CFAP299: variants seen among roughly 807,000 people sequenced by gnomAD.
CFAP299 encodes the protein cilia and flagella associated protein 299.
A neutral mutation model predicts 27.0 loss-of-function variants in CFAP299; 21 were observed. The observed-to-expected ratio is 0.78, with a 90% CI of 0.55 to 1.12. CFAP299 has a LOEUF of 1.12. CFAP299 is among the 50% of genes most tolerant of loss of function. The probability of loss-of-function intolerance (pLI) is 0.00; values close to 1 mark genes in which losing one functional copy is unlikely to be tolerated. For missense variants in CFAP299, 310 were observed against 276.6 expected, an observed-to-expected ratio of 1.12 and a Z score of -0.86; for synonymous variants, 104 against 98.1, an observed-to-expected ratio of 1.06 and a Z score of -0.36.
intron 2 of CFAP299, among the ~76,000 whole-genome samples, chr4:80,423,738 A>G (rs1052877441): frequency 3.3e-5 from 5 of 152,134 alleles, no homozygotes; most frequent in African/African-American, 1.2e-4. Flanking sequence ...CACTGTGTAC[A>G]AGATTGGGCT....
rs372138326 is a variant in CFAP299 at position 80,786,295 on chromosome 4, A to G, written c.334-83698A>G. Among the ~76,000 whole-genome samples, 584 of 152,232 alleles carry G rather than the reference A, an allele frequency of 3.8e-3. 1 individual carries two copies. The highest frequency in any genetic ancestry group is 0.01 in the Middle Eastern group (3 of 294). On this transcript the variant is annotated intron_variant, in intron 3 of 5. Transcript: ENST00000358105. ...GGTGGAGAGGAGGTAGAAGGGAGAC[A>G]TTAAAACCAATGAAAACACAGCTGA...
intron 3 of CFAP299, among the ~76,000 whole-genome samples, chr4:80,864,937 T>C (rs1467198613): frequency 6.6e-6 from 1 of 152,168 alleles, no homozygotes; most frequent in Non-Finnish European, 1.5e-5. Context: ...AATGTATTAC[T>C]AACTTACCAG....
chr4:80,961,098 GA>G lies in CFAP299; in HGVS notation c.607-2409del, dbSNP rs769804321. ...CTATATTCAAGCTGACTTGTTAAAA[GA>G]AAAAAAAAACACAATTACTGTTGAA... On this transcript the variant is annotated intron_variant, in intron 5 of 5. Coordinates refer to ENST00000358105, the MANE Select transcript of CFAP299 (RefSeq NM_152770.3). 2.5e-4 allele frequency among the ~76,000 whole-genome samples: 36 copies of G among 142,736 alleles called. 1 individual carries two copies. The highest frequency in any genetic ancestry group is 1.5e-3 in the South Asian group (7 of 4,536). The allele number at this position is 142,736 out of a possible 152,430, so 93.6% of individuals were successfully genotyped here.
chr4:80,911,489 A>C (rs1018477792), intron 4 of CFAP299, among the ~76,000 whole-genome samples: 12 of 152,164 alleles, frequency 7.9e-5, no homozygotes, highest in African/African-American at 2.9e-4. Flanking sequence ...ATAGACTTGG[A>C]ACCAGGTATC....
intron 2 of CFAP299, among the ~76,000 whole-genome samples, chr4:80,488,870 C>CA (rs1336099462): frequency 8.6e-5 from 13 of 151,452 alleles, no homozygotes; most frequent in Non-Finnish European, 1.8e-4. Flanking sequence ...AGTTGGATGG[C>CA]AAAAAAAACG....
intron 2 of CFAP299, among the ~76,000 whole-genome samples, chr4:80,460,088 GAA>G (rs1477764802): frequency 1.7e-4 from 26 of 152,296 alleles, no homozygotes; most frequent in African/African-American, 5.8e-4. Flanking sequence ...AGAGAGAGAA[GAA>G]GAGAGGCCTT....
intron 3 of CFAP299, among the ~76,000 whole-genome samples, chr4:80,591,749 C>T (rs1736802003): frequency 6.6e-6 from 1 of 152,138 alleles, no homozygotes; most frequent in Non-Finnish European, 1.5e-5. Flanking sequence ...ATGTATCTGT[C>T]CCTTTGTTTG....
At chr4:80,716,278 G>C (rs1427987156) in intron 3 of CFAP299, among the ~76,000 whole-genome samples, 1 of 151,836 alleles carries the variant, frequency 6.6e-6, no homozygotes, top group African/African-American at 2.4e-5. Context: ...AACAAGGCAC[G>C]TAGTATTTTC....
intron 2 of CFAP299, among the ~76,000 whole-genome samples, chr4:80,527,272 T>C (rs886366197): frequency 6.6e-6 from 1 of 151,898 alleles, no homozygotes; most frequent in African/African-American, 2.4e-5. Context: ...CATTTGTTCT[T>C]GTGAAAAAAA....
At chr4:80,764,995 G>A (rs1725778227) in intron 3 of CFAP299, among the ~76,000 whole-genome samples, 1 of 152,004 alleles carries the variant, frequency 6.6e-6, no homozygotes, top group Non-Finnish European at 1.5e-5. Context: ...TGCATTTGGG[G>A]CTTAAAACCT....
intron 3 of CFAP299, among the ~76,000 whole-genome samples, chr4:80,627,030 C>CAAAG (rs1738944053): frequency 6.6e-6 from 1 of 151,480 alleles, no homozygotes; most frequent in South Asian, 2.1e-4. Context: ...AACAAACAAA[C>CAAAG]AAACAAAAAA....
chr4:80,362,829 GA>G lies in CFAP299; in HGVS notation c.189del (p.Ala64GlnfsTer6). 6.2e-7 allele frequency: 1 copy of G among 1,613,198 alleles called. No homozygotes were observed. The highest frequency in any genetic ancestry group is 8.5e-7 in the Non-Finnish European group (1 of 1,179,774). On this transcript the variant is annotated frameshift_variant, in exon 2 of 6. Coordinates refer to ENST00000358105, the MANE Select transcript of CFAP299 (RefSeq NM_152770.3). LOFTEE classifies it high-confidence loss of function. ...AGAGAGAGTGAAAAGGGAAGATTTT[GA>G]AGCAAGGAAAGCGGCTATAGAGATT... ...TGERVKREDF[E>X]ARKAAIEIAR...
At chr4:80,395,492 G>A (rs1336098454) in intron 2 of CFAP299, among the ~76,000 whole-genome samples, 1 of 152,024 alleles carries the variant, frequency 6.6e-6, no homozygotes, top group East Asian at 1.9e-4. Context: ...GATATTAGAG[G>A]AAAGCTTTTC....
At chr4:80,744,289 C>A (rs1473133425) in intron 3 of CFAP299, among the ~76,000 whole-genome samples, 1 of 151,840 alleles carries the variant, frequency 6.6e-6, no homozygotes, top group Non-Finnish European at 1.5e-5. Context: ...CCAAGGACAG[C>A]GTGCCTTCAT....
intron 3 of CFAP299, among the ~76,000 whole-genome samples, chr4:80,696,247 G>A (rs1721081260): frequency 6.7e-6 from 1 of 148,976 alleles, no homozygotes; most frequent in Admixed American, 6.8e-5. Flanking sequence ...GTTGCAGTGA[G>A]CCAGTCACAC....
chr4:80,842,671 C>A (rs1458517729), intron 3 of CFAP299, among the ~76,000 whole-genome samples: 2 of 152,064 alleles, frequency 1.3e-5, no homozygotes, highest in Admixed American at 1.3e-4. Context: ...ACTTTTCAGC[C>A]AGCTGAAATC....
intron 3 of CFAP299, among the ~76,000 whole-genome samples, chr4:80,827,876 A>T (rs888315593): frequency 2.6e-5 from 4 of 152,038 alleles, no homozygotes; most frequent in Non-Finnish European, 5.9e-5. Flanking sequence ...GTCAACAGAA[A>T]AATATCCGTT....
At chr4:80,545,534 A>G (rs1249379204) in intron 2 of CFAP299, among the ~76,000 whole-genome samples, 1 of 152,164 alleles carries the variant, frequency 6.6e-6, no homozygotes, top group Non-Finnish European at 1.5e-5. Flanking sequence ...AAAGCCTCTC[A>G]ATATTGAACC....
chr4:80,434,391 T>C (rs1009872183), intron 2 of CFAP299, among the ~76,000 whole-genome samples: 1 of 152,226 alleles, frequency 6.6e-6, no homozygotes, highest in Non-Finnish European at 1.5e-5. Flanking sequence ...AGGTGATTTG[T>C]GCAGCTTCCA....
Sources: allele counts gnomAD v4.1 joint callset (sites outside exome capture counted in the v4.1 genomes callset), GRCh38; gene constraint gnomAD v4.1.1; transcripts MANE v1.5; gene names NCBI Gene and HGNC (gene_info 2026-07-23, HGNC 2026-07-21).